ARHGAP10: variants seen among roughly 807,000 people sequenced by gnomAD.
The protein encoded by ARHGAP10 is Rho GTPase activating protein 10, also known as rho GTPase-activating protein 10.
ARHGAP10 carries 87 observed loss-of-function variants against 108.6 expected under a neutral mutation model. The observed-to-expected ratio is 0.80, with a 90% CI of 0.67 to 0.96. The LOEUF is 0.96. Among genes scored for constraint, ARHGAP10 ranks in the 40% least tolerant of loss-of-function variants. The pLI is 0.00. For missense variants in ARHGAP10, 939 were observed against 954.5 expected, an observed-to-expected ratio of 0.98 and a Z score of 0.21; for synonymous variants, 347 against 341.1, an observed-to-expected ratio of 1.02 and a Z score of -0.19.
At chr4:147,911,983 A>G (rs1560822634) in intron 12 of ARHGAP10, among the ~76,000 whole-genome samples, 1 of 143,600 alleles carries the variant, frequency 7.0e-6, no homozygotes. Flanking sequence ...CAAGTAATTT[A>G]AGAACATTCA....
chr4:147,761,383 G>A (rs188074422), intron 1 of ARHGAP10, among the ~76,000 whole-genome samples: 3 of 152,174 alleles, frequency 2.0e-5, no homozygotes, highest in African/African-American at 7.2e-5. Context: ...TCTCCTTTTA[G>A]TAGTAATCGC....
intron 15 of ARHGAP10, among the ~76,000 whole-genome samples, chr4:147,949,165 C>G (rs1302907412): frequency 6.6e-6 from 1 of 152,068 alleles, no homozygotes; most frequent in Non-Finnish European, 1.5e-5. Context: ...AGCCACTGTT[C>G]TAAATTTTTT....
chr4:147,826,209 G>T (rs1223338782), intron 3 of ARHGAP10, among the ~76,000 whole-genome samples: 1 of 152,188 alleles, frequency 6.6e-6, no homozygotes, highest in African/African-American at 2.4e-5. Flanking sequence ...TCTGTTTTAG[G>T]TTCCTAGAAA....
At chr4:148,019,303 T>G (rs1225319375) in intron 18 of ARHGAP10, among the ~76,000 whole-genome samples, 1 of 152,232 alleles carries the variant, frequency 6.6e-6, no homozygotes, top group Non-Finnish European at 1.5e-5. Flanking sequence ...TACAATTATA[T>G]TATGAATACA....
chr4:147,964,112 A>G (rs1320909219), intron 16 of ARHGAP10, among the ~76,000 whole-genome samples: 1 of 152,132 alleles, frequency 6.6e-6, no homozygotes, highest in African/African-American at 2.4e-5. Flanking sequence ...TGGAGATATT[A>G]AACTTCTGCA....
At chr4:147,921,634 A>T (rs1241354350) in intron 13 of ARHGAP10, among the ~76,000 whole-genome samples, 8 of 152,192 alleles carry the variant, frequency 5.3e-5, no homozygotes, top group Admixed American at 5.2e-4. Context: ...AAATGGCTAA[A>T]TGTAGTCATG....
intron 14 of ARHGAP10, among the ~76,000 whole-genome samples, chr4:147,944,252 G>A (rs909885053): frequency 2.0e-5 from 3 of 152,176 alleles, no homozygotes; most frequent in African/African-American, 7.2e-5. Context: ...TTTCTTGAAT[G>A]TATCTGTGGC....
intron 3 of ARHGAP10, among the ~76,000 whole-genome samples, chr4:147,846,484 T>G (rs1014100044): frequency 3.3e-5 from 5 of 152,206 alleles, no homozygotes; most frequent in Non-Finnish European, 7.3e-5. Context: ...TATTTGCATT[T>G]TCAGCATTTT....
At chr4:147,976,978 G>A (rs545197224) in intron 18 of ARHGAP10, among the ~76,000 whole-genome samples, 70 of 152,296 alleles carry the variant, frequency 4.6e-4, no homozygotes, top group South Asian at 8.3e-4. Flanking sequence ...GAAGAACTTC[G>A]TAATATTTAT....
At chr4:147,894,607 T>G (rs1735915980) in intron 10 of ARHGAP10, among the ~76,000 whole-genome samples, 1 of 139,666 alleles carries the variant, frequency 7.2e-6, no homozygotes, top group Non-Finnish European at 1.5e-5. Flanking sequence ...CCAAGAAATA[T>G]TTTTTTTACT....
intron 8 of ARHGAP10, among the ~76,000 whole-genome samples, chr4:147,878,344 C>G (rs775819096): frequency 6.6e-6 from 1 of 152,204 alleles, no homozygotes; most frequent in Non-Finnish European, 1.5e-5. Context: ...ATCCACCCGC[C>G]TTGGCCTCCC....
intron 4 of ARHGAP10, among the ~76,000 whole-genome samples, chr4:147,850,891 A>C (rs529772923): frequency 1.3e-5 from 2 of 152,358 alleles, no homozygotes; most frequent in Non-Finnish European, 2.9e-5. Context: ...GGGTAGCTAC[A>C]GGAACCAGTA....
At chr4:147,906,406 C>T (rs929149308) in intron 10 of ARHGAP10, among the ~76,000 whole-genome samples, 1 of 152,018 alleles carries the variant, frequency 6.6e-6, no homozygotes, top group East Asian at 1.9e-4. Context: ...TTCAGTTTTG[C>T]AAGATGAAAA....
intron 3 of ARHGAP10, among the ~76,000 whole-genome samples, chr4:147,830,176 CCA>C: frequency 6.6e-6 from 1 of 152,322 alleles, no homozygotes; most frequent in African/African-American, 2.4e-5. Context: ...TTTTTCTCTA[CCA>C]CAGACTTTAC....
intron 10 of ARHGAP10, among the ~76,000 whole-genome samples, chr4:147,893,491 A>T (rs1398498921): frequency 6.8e-6 from 1 of 147,764 alleles, no homozygotes; most frequent in East Asian, 1.9e-4. Flanking sequence ...ATAGAAATAC[A>T]TATTTCAATA....
chr4:148,030,869 A>C (rs1008197462), intron 19 of ARHGAP10, among the ~76,000 whole-genome samples: 3 of 146,308 alleles, frequency 2.1e-5, no homozygotes, highest in Non-Finnish European at 4.4e-5. Flanking sequence ...AAAGAAAAAA[A>C]AGAAAAAAAA....
chr4:147,854,658 A>C (rs1734016796), intron 4 of ARHGAP10: 1 of 972,364 alleles, frequency 1.0e-6, no homozygotes, highest in Non-Finnish European at 1.2e-6. Flanking sequence ...GTTTCCTTTG[A>C]AATTTGTATC....
intron 1 of ARHGAP10, 92 bp downstream of exon 1, chr4:147,732,547 G>T: frequency 1.3e-6 from 2 of 1,534,118 alleles, no homozygotes; most frequent in Non-Finnish European, 1.8e-6. Context: ...TTGTGTCCGG[G>T]GCCAGCAGCC....
intron 3 of ARHGAP10, among the ~76,000 whole-genome samples, chr4:147,823,771 A>G (rs978671213): frequency 6.6e-6 from 1 of 152,048 alleles, no homozygotes; most frequent in African/African-American, 2.4e-5. Flanking sequence ...AAAAAGAAAA[A>G]ACAAAACAAA....
Sources: gnomAD v4.1 joint callset for allele counts (sites outside exome capture counted in the v4.1 genomes callset) on GRCh38, gnomAD v4.1.1 for gene constraint, MANE v1.5 for transcripts, NCBI Gene and HGNC (gene_info 2026-07-23, HGNC 2026-07-21) for gene names.